PROM2: variants seen among roughly 807,000 people sequenced by gnomAD.
PROM2 encodes the protein prominin-2.
Under a neutral mutation model 110.2 loss-of-function variants are expected in PROM2, and 90 were observed. The ratio of observed to expected loss-of-function variants is 0.82; its 90% confidence interval spans 0.69 to 0.97. PROM2 has a LOEUF of 0.97. Among genes scored for constraint, PROM2 ranks in the 50% least tolerant of loss-of-function variants. The pLI is 0.00. For synonymous variants in PROM2, 470 were observed against 467.8 expected (o/e 1.00, Z -0.06); for missense variants, 1,009 against 1,074.8 (o/e 0.94, Z 0.86).
intron 22 of PROM2, 64 bp downstream of exon 22, chr2:95,288,653 G>A: frequency 2.1e-6 from 3 of 1,427,822 alleles, no homozygotes; most frequent in Admixed American, 1.8e-5. Context: ...CAGCCGCCAG[G>A]GTCCCCTGTC....
At position 95,288,577 on chromosome 2, in the gene PROM2, G is replaced by A. The variant is rs1677518581; in HGVS notation, c.2429G>A (p.Arg810Gln). The stretch of plus-strand genomic sequence containing the variant: ...ACCTCCAAATACTTCCGTCCTATCC[G>A]GAAACGCCTCAGGTGAGGGGCTGCC... ...VKTSKYFRPI[R>Q]KRLSSTSSEE... The change falls in exon 22 of 24, where the codon CGG becomes CAG. Residue 810 changes from arginine (R) to glutamine (Q), a missense_variant. By Grantham distance (43) the Arg-to-Gln change is conservative. Coordinates refer to ENST00000317620, the MANE Select transcript of PROM2 (RefSeq NM_001165978.3). The A allele has an allele frequency of 1.3e-5, 21 of 1,613,950 alleles. No individual in the cohort carries two copies. Among genetic ancestry groups the A allele is most frequent in the Non-Finnish European group, 1.8e-5 (21 of 1,179,890 alleles).
intron 16 of PROM2, 74 bp from the exon 17 acceptor site, chr2:95,286,405 A>T: frequency 7.7e-7 from 1 of 1,296,014 alleles, no homozygotes; most frequent in Non-Finnish European, 1.1e-6. Flanking sequence ...TTCTCTTGGT[A>T]TGTCAGACTG....
chr2:95,276,680 G>C lies in PROM2; in HGVS notation c.682+23G>C. On this transcript the variant is annotated intron_variant, in intron 5 of 23. Coordinates refer to ENST00000317620, the MANE Select transcript of PROM2 (RefSeq NM_001165978.3). The surrounding 1 kb of genome is among the most constrained non-coding windows in gnomAD (Gnocchi z 4.6). ...ATGGTGAGGGTCTCGGGGACTGGCAGGTGGGCTGGCTCCTTCCAGGGCCCC... is the reference window on the plus strand; with the variant it reads ...ATGGTGAGGGTCTCGGGGACTGGCACGTGGGCTGGCTCCTTCCAGGGCCCC... 6.2e-7 allele frequency: 1 copy of C among 1,612,006 alleles called. No homozygotes were observed.
At chr2:95,283,010 C>T (rs539148528) in intron 14 of PROM2, among the ~76,000 whole-genome samples, 25 of 152,312 alleles carry the variant, frequency 1.6e-4, no homozygotes, top group South Asian at 2.1e-4. Context: ...CAACCAGCCT[C>T]GGCCCACGGA....
intron 14 of PROM2, among the ~76,000 whole-genome samples, chr2:95,284,360 T>C (rs1677218116): frequency 2.6e-5 from 4 of 152,062 alleles, no homozygotes; most frequent in Admixed American, 2.6e-4. Flanking sequence ...GTGTGGTTTC[T>C]TGCACCTGTA....
intron 14 of PROM2, among the ~76,000 whole-genome samples, chr2:95,282,725 A>G (rs1178448839): frequency 6.6e-6 from 1 of 152,196 alleles, no homozygotes; most frequent in Non-Finnish European, 1.5e-5. Context: ...CTTGGTGTGT[A>G]GAACTGGAGA....
At chr2:95,278,830 C>T in intron 9 of PROM2, 46 bp downstream of exon 9, 1 of 1,611,736 alleles carries the variant, frequency 6.2e-7, no homozygotes, top group Non-Finnish European at 8.5e-7. Context: ...TGGCTTCCCA[C>T]CCCACCCCTA....
rs1676579490 is a variant in PROM2 at position 95,275,288 on chromosome 2, T to C, written c.245-173T>C. On this transcript the variant is annotated intron_variant, in intron 1 of 23. Transcript: ENST00000317620. This position sits in a 1 kb window ranked among gnomAD's most constrained non-coding sequence, Gnocchi z 4.4. ...TCTGCTCGCCCTCCTGTAGCAGTGC[T>C]GAGGTCAGGGCAGGATGGCACAGGG... Among the ~76,000 whole-genome samples the C allele has an allele frequency of 6.6e-6, 1 of 152,224 alleles. No individual in the cohort carries two copies.
Position 95,279,876 on chromosome 2 carries a change from G to T in PROM2, c.1306G>T (p.Val436Phe), listed in dbSNP as rs1469351603. ...CGTGGGCTGCGTGCTGTGCTCCGTG[G>T]TCCTATTCGTGGTGCTCTGCAACCT... The part of the protein sequence containing the change: ...WIVGCVLCSV[V>F]LFVVLCNLLG... Residue 436 changes from valine (V) to phenylalanine (F), a missense_variant, in exon 11 of 24, where the codon GTC becomes TTC. Val to Phe is a conservative substitution (Grantham distance 50). Coordinates refer to ENST00000317620, the MANE Select transcript of PROM2 (RefSeq NM_001165978.3). 3 of 1,541,584 alleles carry T rather than the reference G, an allele frequency of 1.9e-6. No individual in the cohort carries two copies. The Admixed American group carries it at 5.9e-5, about 30-fold the overall frequency.
At chr2:95,278,533 G>A in intron 8 of PROM2, 188 bp from the exon 9 acceptor site, 1 of 670,724 alleles carries the variant, frequency 1.5e-6, no homozygotes, top group Non-Finnish European at 2.7e-6. Context: ...AGGTCCGGGA[G>A]GAGCAACGTT....
intron 23 of PROM2, 26 bp from the exon 24 acceptor site, chr2:95,289,198 C>T: frequency 1.7e-6 from 1 of 599,290 alleles, no homozygotes; most frequent in East Asian, 2.8e-5. Context: ...CTCCCCTTCA[C>T]CCGTTTCCTT....
At chr2:95,280,801 C>A (rs1235701964) in intron 11 of PROM2, among the ~76,000 whole-genome samples, 3 of 152,150 alleles carry the variant, frequency 2.0e-5, no homozygotes, top group Non-Finnish European at 2.9e-5. Flanking sequence ...TGTGCCACCA[C>A]CCCCAGCTAA....
Position 95,285,715 on chromosome 2 carries a change from G to A in PROM2, c.1947+5G>A, listed in dbSNP as rs1277949951. ...CAAGGACTGGCCCAGGCCCAAGTGA[G>A]TGGGAAACAGGGCCCCGACTGGGCA... On this transcript the variant is annotated splice_donor_5th_base_variant and intron_variant, in intron 16 of 23. Transcript: ENST00000317620. The A allele has an allele frequency of 1.9e-6, 3 of 1,593,246 alleles. No individual in the cohort carries two copies. Among genetic ancestry groups the A allele is most frequent in the Non-Finnish European group, 2.6e-6 (3 of 1,169,454 alleles).
chr2:95,279,261 C>T (rs1419216798), intron 10 of PROM2, 117 bp downstream of exon 10: 3 of 782,998 alleles, frequency 3.8e-6, no homozygotes, highest in Non-Finnish European at 5.7e-6. Flanking sequence ...TGTACTGAGC[C>T]TCTGTGTTTT....
Position 95,276,695 on chromosome 2 carries a change from TC to T in PROM2, c.682+40del. On this transcript the variant is annotated intron_variant, in intron 5 of 23. Coordinates refer to ENST00000317620, the MANE Select transcript of PROM2 (RefSeq NM_001165978.3). This position sits in a 1 kb window ranked among gnomAD's most constrained non-coding sequence, Gnocchi z 4.6. Reference sequence around the variant, plus strand: ...GGGACTGGCAGGTGGGCTGGCTCCTTCCAGGGCCCCTGCTCGGGTGCCTCGG... The same window carrying T: ...GGGACTGGCAGGTGGGCTGGCTCCTTCAGGGCCCCTGCTCGGGTGCCTCGG... 6.2e-7 allele frequency: 1 copy of T among 1,606,862 alleles called. No homozygotes were observed. Among genetic ancestry groups the T allele is most frequent in the Non-Finnish European group, 8.5e-7 (1 of 1,175,678 alleles).
Position 95,279,946 on chromosome 2 carries a change from AC to A in PROM2, c.1380del (p.Ser461AlafsTer69), listed in dbSNP as rs1405412184. 2.0e-6 allele frequency: 3 copies of A among 1,518,322 alleles called. No homozygotes were observed. The highest frequency in any genetic ancestry group is 4.2e-5 in the Admixed American group (2 of 47,396). 94.1% of individuals were successfully genotyped at this position (1,518,322 alleles called of 1,614,324 possible). A position where few individuals can be genotyped will look rare whatever the true frequency, so the allele number is the denominator to read the frequency against. On this transcript the variant is annotated frameshift_variant, in exon 11 of 24. Transcript: ENST00000317620. LOFTEE classifies it high-confidence loss of function. ...LGIWGLSARD[D>X]PSHPEAKGEA... ...ATCTGGGGCCTGTCTGCCAGGGACGACCCCAGCCACCCAGAAGCCAAGGGCG... is the reference window on the plus strand; with the variant it reads ...ATCTGGGGCCTGTCTGCCAGGGACGACCCAGCCACCCAGAAGCCAAGGGCG...
At chr2:95,278,924 G>C (rs990603062) in intron 9 of PROM2, 61 bp from the exon 10 acceptor site, 1 of 1,600,370 alleles carries the variant, frequency 6.2e-7, no homozygotes, top group African/African-American at 1.3e-5. Context: ...CTGCCCGCTT[G>C]TCTTGTTCCT....
rs757351649 is a variant in PROM2, at chr2:95,276,399, G to A, written c.618+52G>A. The A allele has an allele frequency of 1.9e-6, 3 of 1,605,324 alleles. No individual in the cohort carries two copies. In the Admixed American group the frequency reaches 5.0e-5, roughly 27 times the overall value. ...TGTGCCCCTGTGAGCACTGGGCCCGGGCAGGACAGAGCCGAGTGGGCCCTC... is the reference window on the plus strand; with the variant it reads ...TGTGCCCCTGTGAGCACTGGGCCCGAGCAGGACAGAGCCGAGTGGGCCCTC... On this transcript the variant is annotated intron_variant, in intron 4 of 23. Coordinates refer to ENST00000317620, the MANE Select transcript of PROM2 (RefSeq NM_001165978.3). The surrounding 1 kb of genome is among the most constrained non-coding windows in gnomAD (Gnocchi z 4.6).
chr2:95,276,863 A>AC lies in PROM2; in HGVS notation c.683-103dup. On this transcript the variant is annotated intron_variant, in intron 5 of 23. Transcript: ENST00000317620. The surrounding 1 kb of genome is among the most constrained non-coding windows in gnomAD (Gnocchi z 4.6). ...TGTCCCCGCTCCTTCACTCCCCTCC[A>AC]CCCCCCGGCTCCTGCAGAGCCCGGT... is the stretch of plus-strand genomic sequence containing the variant. 2 of 1,243,964 alleles carry AC rather than the reference A, an allele frequency of 1.6e-6. No homozygotes were observed. The highest frequency in any genetic ancestry group is 1.3e-5 in the South Asian group (1 of 75,554). The allele number at this position is 1,243,964 out of a possible 1,614,324, so 77.1% of individuals were successfully genotyped here.
Sources: allele counts gnomAD v4.1 joint callset (sites outside exome capture counted in the v4.1 genomes callset), GRCh38; gene constraint gnomAD v4.1.1; non-coding constraint Gnocchi (gnomAD v3.1); transcripts MANE v1.5; gene names NCBI Gene and HGNC (gene_info 2026-07-23, HGNC 2026-07-21).